IFT172: variants seen among roughly 807,000 people sequenced by gnomAD.
IFT172 encodes the protein intraflagellar transport protein 172 homolog.
In IFT172, 164 loss-of-function variants were observed where a neutral mutation model predicts 248.9. The observed-to-expected ratio is 0.66, with a 90% CI of 0.58 to 0.75. The LOEUF is 0.75. Among genes scored for constraint, IFT172 ranks in the 30% least tolerant of loss-of-function variants. IFT172 has a pLI of 0.00. For synonymous variants in IFT172, 729 were observed against 791.6 expected (o/e 0.92, Z 1.33); for missense variants, 1,950 against 2,192.4 (o/e 0.89, Z 2.21).
At chr2:27,477,458 TTATCTGCTGTTTCCC>T (rs2148542783) in intron 12 of IFT172, 86 bp downstream of exon 12, 6 of 1,209,734 alleles carry the variant, frequency 5.0e-6, no homozygotes, top group Non-Finnish European at 7.4e-6. Context: ...CCCTGTTTCT[TTATCTGCTGTTTCCC>T]TATCCCTTGC....
intron 23 of IFT172, 98 bp from the exon 24 acceptor site, chr2:27,459,927 G>A (rs1239128970): frequency 2.0e-6 from 3 of 1,511,522 alleles, no homozygotes; most frequent in East Asian, 2.3e-5. Context: ...TAGGTAAGAA[G>A]GGGAGGAATG....
In IFT172 at chr2:27,465,495, A is replaced by G; in HGVS notation, c.1853T>C (p.Leu618Pro). Residue 618 changes from leucine (L) to proline (P), a missense_variant, in exon 18 of 48, where the codon CTG becomes CCG. By Grantham distance (98) the Leu-to-Pro change is moderately conservative. Transcript: ENST00000260570. ...TGCCTCTGTTTCTGGGGTCATTTCCAGAGTCTCTAAGAAGGCTGTTGCCCT... is the reference window on the plus strand; with the variant it reads ...TGCCTCTGTTTCTGGGGTCATTTCCGGAGTCTCTAAGAAGGCTGTTGCCCT... ...YIRATAFLET[L>P]EMTPETEAMW... 6.2e-7 allele frequency: 1 copy of G among 1,614,110 alleles called. No homozygotes were observed. Among genetic ancestry groups the G allele is most frequent in the Non-Finnish European group, 8.5e-7 (1 of 1,180,018 alleles).
intron 11 of IFT172, 147 bp downstream of exon 11, chr2:27,477,848 T>C (rs1172681982): frequency 2.0e-6 from 2 of 990,938 alleles, no homozygotes; most frequent in Admixed American, 4.5e-5. Flanking sequence ...ATTATAAAAC[T>C]CCTGGGTCTC....
At chr2:27,465,250 A>G in intron 18 of IFT172, 161 bp downstream of exon 18, 1 of 635,362 alleles carries the variant, frequency 1.6e-6, no homozygotes, top group Non-Finnish European at 2.8e-6. Context: ...AGGATGGGAG[A>G]GTGTTTGGAA....
At chr2:27,481,884 A>G (rs1383978782) in intron 7 of IFT172, among the ~76,000 whole-genome samples, 2 of 152,078 alleles carry the variant, frequency 1.3e-5, no homozygotes, top group Non-Finnish European at 2.9e-5. Flanking sequence ...TCCTCAGAAA[A>G]GGAGATGTGC....
intron 40 of IFT172, 81 bp downstream of exon 40, chr2:27,448,834 A>G (rs1665404064): frequency 1.3e-6 from 1 of 781,126 alleles, no homozygotes; most frequent in Admixed American, 1.7e-5. Context: ...CTCTGAGAAG[A>G]TAGTTCCTGA....
chr2:27,449,792 C>G lies in IFT172; in HGVS notation c.4059G>C (p.Glu1353Asp), dbSNP rs759982263. ...TGACAAGGTCCAGATTCAGATAGAG[C>G]TCTGCAGCCTGCACAGTGGGAAATC... ...IGIGKHSAAA[E>D]LYLNLDLVKE... The change falls in exon 37 of 48, where the codon GAG becomes GAC. Residue 1353 changes from glutamate (E) to aspartate (D), a missense_variant. Physicochemically the swap from Glu to Asp is conservative, Grantham distance 45. Around this residue, in one of 3 missense-constraint regions of IFT172, gnomAD observed 620 missense variants for 699.0 expected, o/e 0.89. Transcript: ENST00000260570. 6.2e-7 allele frequency: 1 copy of G among 1,611,342 alleles called. No individual in the cohort carries two copies. Among genetic ancestry groups the G allele is most frequent in the Non-Finnish European group, 8.5e-7 (1 of 1,178,248 alleles).
chr2:27,458,945 T>C, intron 25 of IFT172, 77 bp from the exon 26 acceptor site: 1 of 1,488,186 alleles, frequency 6.7e-7, no homozygotes, highest in Non-Finnish European at 9.2e-7. Context: ...AGAACAAACC[T>C]TGGCTGGGAT....
chr2:27,489,149 C>T (rs1226648719), intron 1 of IFT172, among the ~76,000 whole-genome samples: 1 of 152,184 alleles, frequency 6.6e-6, no homozygotes, highest in Non-Finnish European at 1.5e-5. Context: ...TGTGCTAACT[C>T]CAAAGCCCAC....
At chr2:27,463,501 T>G (rs1666840070) in intron 18 of IFT172, among the ~76,000 whole-genome samples, 1 of 151,640 alleles carries the variant, frequency 6.6e-6, no homozygotes, top group Admixed American at 6.6e-5. Context: ...TCTTAAAACA[T>G]TATGAGATTT....
At chr2:27,482,899 C>G (rs1241475751) in intron 7 of IFT172, among the ~76,000 whole-genome samples, 1 of 151,948 alleles carries the variant, frequency 6.6e-6, no homozygotes, top group African/African-American at 2.4e-5. Context: ...TCCCTGAGTT[C>G]TCCTCTAGCT....
chr2:27,446,056 A>G (rs1386656169), intron 43 of IFT172, 68 bp from the exon 44 acceptor site: 1 of 1,582,426 alleles, frequency 6.3e-7, no homozygotes. Context: ...TCTGGGATCC[A>G]GATGCAAATG....
At chr2:27,477,856 C>A in intron 11 of IFT172, 139 bp downstream of exon 11, 1 of 1,069,716 alleles carries the variant, frequency 9.3e-7, no homozygotes. Context: ...ACTCCTGGGT[C>A]TCCTTCCCTG....
rs370204045 is a variant in IFT172 at position 27,453,719 on chromosome 2, G to A, written c.3732C>T (p.Asp1244=). The A allele has an allele frequency of 8.7e-5, 140 of 1,611,964 alleles. 1 individual carries two copies. The South Asian group carries it at 1.4e-3, about 16-fold the overall frequency. ...NYYKEAGLWS[D]ALRICKDYVP... ...CATAGTCCTTGCAGATGCGCAGAGC[G>A]TCACTCCATAATCCAGCCTCCTGCT... is the stretch of plus-strand genomic sequence containing the variant. The change falls in exon 34 of 48, where the codon GAC becomes GAT. Residue 1244 remains aspartate (D), a synonymous_variant. Transcript: ENST00000260570.
Position 27,483,585 on chromosome 2 carries a change from T to C in IFT172, c.477A>G (p.Thr159=), listed in dbSNP as rs1464395738. Residue 159 remains threonine (T), a synonymous_variant, in exon 6 of 48, where the codon ACA becomes ACG. Transcript: ENST00000260570. ...TACTACTCCTCTTTACTCACTTTGT[T>C]GTCAGGGACACCACGTAAGACTCTG... ...YGTESYVVSL[T]TNCSGKGILS... 1 of 1,614,098 alleles carries C rather than the reference T, an allele frequency of 6.2e-7. No individual in the cohort carries two copies. The highest frequency in any genetic ancestry group is 2.2e-5 in the East Asian group (1 of 44,884).
At chr2:27,484,199 A>T in intron 4 of IFT172, 28 bp downstream of exon 4, 6 of 1,613,902 alleles carry the variant, frequency 3.7e-6, no homozygotes, top group Non-Finnish European at 5.1e-6. Flanking sequence ...GTTCATCCTA[A>T]GGTTCCAGGG....
chr2:27,473,118 G>A (rs938365170), intron 14 of IFT172, among the ~76,000 whole-genome samples: 2 of 151,850 alleles, frequency 1.3e-5, no homozygotes, highest in African/African-American at 4.8e-5. Flanking sequence ...TGTAATCTCA[G>A]CACTTTGGGA....
rs764321777 is a variant in IFT172, at chr2:27,462,686, C to T, written c.2115+15G>A. 4 of 1,607,978 alleles carry T rather than the reference C, an allele frequency of 2.5e-6. No individual in the cohort carries two copies. In the Admixed American group the frequency reaches 6.7e-5, roughly 27 times the overall value. ...TCATATCCCCTCTTCCATCCTGTCC[C>T]TCTTTTCCTATTACCTGTTCCAAAA... On this transcript the variant is annotated intron_variant, in intron 20 of 47. Coordinates refer to ENST00000260570, the MANE Select transcript of IFT172 (RefSeq NM_015662.3).
At position 27,445,602 on chromosome 2, in the gene IFT172, TTTTC is replaced by T. The variant is rs1665004187; in HGVS notation, c.4914+139_4914+142del. ...TGGATTGGGGGATGCAGTCACAGCC[TTTTC>T]TTTCTATTTTGCTTCTACTTTCACT... On this transcript the variant is annotated intron_variant, in intron 45 of 47. Transcript: ENST00000260570. This position sits in a 1 kb window ranked among gnomAD's most constrained non-coding sequence, Gnocchi z 4.4. The T allele has an allele frequency of 3.1e-6, 4 of 1,302,130 alleles. No homozygotes were observed. Among genetic ancestry groups the T allele is most frequent in the African/African-American group, 1.5e-5 (1 of 67,428 alleles). 80.7% of individuals were successfully genotyped at this position (1,302,130 alleles called of 1,614,324 possible).
Sources: gnomAD v4.1 joint callset for allele counts (sites outside exome capture counted in the v4.1 genomes callset) on GRCh38, gnomAD v4.1.1 for gene constraint, gnomAD v4.1.1 regional missense constraint, Gnocchi (gnomAD v3.1) non-coding constraint, MANE v1.5 for transcripts, NCBI Gene and HGNC (gene_info 2026-07-23, HGNC 2026-07-21) for gene names.